Variants in AACS observed in about 807,000 individuals in gnomAD.
The protein encoded by AACS is acetoacetyl-CoA synthetase, also known as acetoacetate-CoA ligase.
Under a neutral mutation model 83.1 loss-of-function variants are expected in AACS, and 69 were observed. That is an observed-to-expected ratio of 0.83 (90% CI 0.68 to 1.01). The LOEUF (loss-of-function observed/expected upper bound fraction) is 1.01, where lower values mean the gene tolerates loss of function less well. Ranked by LOEUF, AACS falls within the 50% of genes least tolerant of loss-of-function variation. The pLI, the probability that AACS is intolerant of heterozygous loss-of-function variation, is 0.00. For synonymous variants in AACS, 333 were observed against 343.4 expected, an observed-to-expected ratio of 0.97 and a Z score of 0.33; for missense variants, 866 against 882.2, an observed-to-expected ratio of 0.98 and a Z score of 0.23.
chr12:125,138,048 TCCAGGA>T (rs1367315102), intron 17 of AACS, among the ~76,000 whole-genome samples: 1 of 152,180 alleles, frequency 6.6e-6, no homozygotes, highest in Non-Finnish European at 1.5e-5. Context: ...AAACAACCTG[TCCAGGA>T]GTGGGGGCTG....
rs972697286 is a variant in AACS at position 125,130,054 on chromosome 12, T to C, written c.1549+594T>C. 2.6e-5 allele frequency among the ~76,000 whole-genome samples: 4 copies of C among 152,194 alleles called. No homozygotes were observed. The highest frequency in any genetic ancestry group is 1.3e-4 in the Admixed American group (2 of 15,282). On this transcript the variant is annotated intron_variant, in intron 14 of 17. Coordinates refer to ENST00000316519, the MANE Select transcript of AACS (RefSeq NM_023928.5). The surrounding 1 kb of genome is among the most constrained non-coding windows in gnomAD (Gnocchi z 4.9). ...GATTCCTGCCTCCCTCTAATCTTAT[T>C]TCATAAGCAGTCTCGAGTTACTGCT...
intron 12 of AACS, 110 bp downstream of exon 12, chr12:125,125,134 C>A: frequency 6.7e-7 from 1 of 1,483,136 alleles, no homozygotes. Context: ...CGCTGGGCAG[C>A]CAATACGCAC....
intron 1 of AACS, among the ~76,000 whole-genome samples, chr12:125,071,816 T>C (rs1247237799): frequency 6.6e-6 from 1 of 152,198 alleles, no homozygotes; most frequent in South Asian, 2.1e-4. Context: ...CGCGTCTGCC[T>C]TCCTTAGTGA....
intron 3 of AACS, among the ~76,000 whole-genome samples, chr12:125,080,847 A>G (rs1165652599): frequency 6.6e-6 from 1 of 151,452 alleles, no homozygotes; most frequent in Non-Finnish European, 1.5e-5. Context: ...GCCCGCCACC[A>G]CGCCTGGCTA....
chr12:125,069,455 C>T (rs1454101875), intron 1 of AACS, among the ~76,000 whole-genome samples: 1 of 152,228 alleles, frequency 6.6e-6, no homozygotes, highest in Non-Finnish European at 1.5e-5. Context: ...ACTGCCATAA[C>T]CACAGGTTGG....
intron 1 of AACS, among the ~76,000 whole-genome samples, chr12:125,066,037 C>T (rs1955680850): frequency 6.6e-6 from 1 of 152,206 alleles, no homozygotes; most frequent in African/African-American, 2.4e-5. Context: ...TGAGGTGCTC[C>T]CTGGAGTCTT....
In AACS at chr12:125,094,033, C is replaced by T. The variant is rs1956550180; in HGVS notation, c.570+2510C>T. On this transcript the variant is annotated intron_variant, in intron 5 of 17. Transcript: ENST00000316519. This position sits in a 1 kb window ranked among gnomAD's most constrained non-coding sequence, Gnocchi z 4.1. Reference sequence around the variant, plus strand: ...AGCTGAGTAAGGACCTGGCACAGGTCGACTGCGCGAAAGCCTCTGCTCACC... The same window carrying T: ...AGCTGAGTAAGGACCTGGCACAGGTTGACTGCGCGAAAGCCTCTGCTCACC... Among the ~76,000 whole-genome samples, 2 of 152,090 alleles carry T rather than the reference C, an allele frequency of 1.3e-5. No homozygotes were observed. Among genetic ancestry groups the T allele is most frequent in the Admixed American group, 6.5e-5 (1 of 15,272 alleles).
intron 7 of AACS, among the ~76,000 whole-genome samples, chr12:125,103,845 A>T (rs12320333): frequency 0.03 from 4,524 of 151,566 alleles, 239 homozygotes; most frequent in African/African-American, 0.1. Context: ...AAAATTAGCC[A>T]GGTGTGGTGG....
rs1029492258 is a variant in AACS, at chr12:125,097,455, G to A, written c.571-5224G>A. On this transcript the variant is annotated intron_variant, in intron 5 of 17. Transcript: ENST00000316519. This position sits in a 1 kb window ranked among gnomAD's most constrained non-coding sequence, Gnocchi z 4.3. ...ACTTAAAAAAAAAAAAAAAAAGTGC[G>A]TTGGGGCAGCTCCAAGGGCGTCTCT... Among the ~76,000 whole-genome samples the A allele has an allele frequency of 3.3e-5, 5 of 149,588 alleles. No homozygotes were observed. The highest frequency in any genetic ancestry group is 2.7e-4 in the Admixed American group (4 of 14,984).
At chr12:125,134,876 G>A (rs1027062367) in intron 16 of AACS, 24 bp downstream of exon 16, 8 of 1,613,810 alleles carry the variant, frequency 5.0e-6, no homozygotes, top group East Asian at 2.2e-5. Flanking sequence ...CTCCCTGAGC[G>A]TTCTCCAGTC....
chr12:125,134,014 C>T lies in AACS; in HGVS notation c.1561C>T (p.His521Tyr). The T allele has an allele frequency of 1.9e-6, 3 of 1,614,192 alleles. No homozygotes were observed. Among genetic ancestry groups the T allele is most frequent in the Non-Finnish European group, 2.5e-6 (3 of 1,180,026 alleles). The change falls in exon 15 of 18, where the codon CAT (histidine) becomes TAT (tyrosine). Residue 521 changes from histidine (H) to tyrosine (Y), a missense_variant. By Grantham distance (83) the His-to-Tyr change is moderately conservative. Transcript: ENST00000316519. ...TGCTGTCTTTGCAGGTATCTGGGCT[C>T]ATGGCGACTACTGCAGAATCAACCC... ...YFSKFPGIWA[H>Y]GDYCRINPKT...
chr12:125,095,002 T>C (rs1956574010), intron 5 of AACS, among the ~76,000 whole-genome samples: 1 of 151,286 alleles, frequency 6.6e-6, no homozygotes, highest in African/African-American at 2.4e-5. Context: ...TGTGTGTGTG[T>C]GTGTGTGTGT....
chr12:125,103,130 T>G (rs778418163), intron 7 of AACS, 49 bp downstream of exon 7: 9 of 1,529,502 alleles, frequency 5.9e-6, no homozygotes, highest in Non-Finnish European at 8.0e-6. Flanking sequence ...CCACTGGAGC[T>G]CCTGCGGGGA....
chr12:125,101,039 GGT>G (rs1956698536), intron 5 of AACS: 1 of 152,232 alleles, frequency 6.6e-6, no homozygotes. Flanking sequence ...GGTAGCCCTA[GGT>G]GTTGGTCTTG....
At chr12:125,080,731 C>A (rs947493059) in intron 3 of AACS, among the ~76,000 whole-genome samples, 1 of 151,452 alleles carries the variant, frequency 6.6e-6, no homozygotes, top group Non-Finnish European at 1.5e-5. Context: ...TAGCTCTGTC[C>A]CCCAGGCTGG....
chr12:125,113,041 C>T lies in AACS; in HGVS notation c.916-1436C>T, dbSNP rs375980645. ...CTTGGAGCCAAACCATATCAGGCAG[C>T]GTCTGCCTGTCTGCCTGGCAGTCTC... On this transcript the variant is annotated intron_variant, in intron 8 of 17. Coordinates refer to ENST00000316519, the MANE Select transcript of AACS (RefSeq NM_023928.5). This position sits in a 1 kb window ranked among gnomAD's most constrained non-coding sequence, Gnocchi z 4.8. 1.6e-4 allele frequency among the ~76,000 whole-genome samples: 24 copies of T among 152,182 alleles called. No homozygotes were observed. The highest frequency in any genetic ancestry group is 3.9e-4 in the East Asian group (2 of 5,192).
intron 3 of AACS, among the ~76,000 whole-genome samples, chr12:125,079,734 AC>A (rs1240106042): frequency 3.9e-5 from 6 of 151,924 alleles, no homozygotes; most frequent in Admixed American, 6.6e-5. Flanking sequence ...CCACAGAAAT[AC>A]CCTTTTAAAG....
At chr12:125,098,564 G>C (rs1956660068) in intron 5 of AACS, among the ~76,000 whole-genome samples, 1 of 151,266 alleles carries the variant, frequency 6.6e-6, no homozygotes, top group Admixed American at 6.6e-5. Context: ...TCATTCTCCT[G>C]CCTCAGCCTT....
intron 7 of AACS, among the ~76,000 whole-genome samples, chr12:125,106,775 C>T (rs532223304): frequency 2.0e-5 from 3 of 152,168 alleles, no homozygotes; most frequent in African/African-American, 4.8e-5. Flanking sequence ...CTCCTTCAGC[C>T]GTGTTGGTAC....
Sources: allele counts gnomAD v4.1 joint callset (sites outside exome capture counted in the v4.1 genomes callset), GRCh38; gene constraint gnomAD v4.1.1; non-coding constraint Gnocchi (gnomAD v3.1); transcripts MANE v1.5; gene names NCBI Gene and HGNC (gene_info 2026-07-23, HGNC 2026-07-21).